The following ATG7 variants were observed in gnomAD, a reference collection of about 807,000 sequenced individuals.
The protein encoded by ATG7 is autophagy related 7.
ATG7 carries 70 observed loss-of-function variants against 82.4 expected under a neutral mutation model. The observed-to-expected ratio is 0.85, with a 90% CI of 0.70 to 1.04. The LOEUF is 1.04. Ranked by LOEUF, ATG7 falls within the 50% of genes least tolerant of loss-of-function variation. ATG7 has a pLI of 0.00. For missense variants in ATG7, 792 were observed against 864.3 expected (o/e 0.92, Z 1.05); for synonymous variants, 287 against 313.0 (o/e 0.92, Z 0.88).
intron 1 of ATG7, among the ~76,000 whole-genome samples, chr3:11,279,850 C>T (rs1392090792): frequency 6.6e-6 from 1 of 152,100 alleles, no homozygotes; most frequent in Non-Finnish European, 1.5e-5. Flanking sequence ...ATTTGTTTTA[C>T]CTCCAAATTG....
chr3:11,328,934 C>CA (rs1951256544), intron 9 of ATG7, among the ~76,000 whole-genome samples: 1 of 152,082 alleles, frequency 6.6e-6, no homozygotes, highest in African/African-American at 2.4e-5. Context: ...TGAAAAAATA[C>CA]AAAAAATTAG....
In ATG7 at chr3:11,556,132, C is replaced by CCAAACCTTTTT. The variant is rs2072379963; in HGVS notation, c.*1290_*1300dup. 1 of 152,634 alleles carries CCAAACCTTTTT rather than the reference C, an allele frequency of 6.6e-6. No individual in the cohort carries two copies. The highest frequency in any genetic ancestry group is 1.9e-4 in the East Asian group (1 of 5,330). 9.5% of individuals were successfully genotyped at this position (152,634 alleles called of 1,614,324 possible). A position where few individuals can be genotyped will look rare whatever the true frequency, so the allele number is the denominator to read the frequency against. ...TTTAAGTACAAAAAAAGATGGCCTG[C>CCAAACCTTTTT]CAAACCTTTTTTTTTCTTCTTCCAG... On this transcript the variant is annotated 3_prime_UTR_variant, in exon 21 of 21. Transcript: ENST00000693202.
intron 19 of ATG7, among the ~76,000 whole-genome samples, chr3:11,382,024 AGTT>A (rs142186782): frequency 2.0e-4 from 30 of 152,318 alleles, no homozygotes; most frequent in African/African-American, 5.8e-4. Flanking sequence ...GTCATGTCAT[AGTT>A]GTTGTTTCAA....
intron 1 of ATG7, among the ~76,000 whole-genome samples, chr3:11,273,710 G>C (rs2152608801): frequency 6.6e-6 from 1 of 152,242 alleles, no homozygotes; most frequent in South Asian, 2.1e-4. Context: ...GTGGGCACTG[G>C]TGATCTATCA....
intron 20 of ATG7, chr3:11,488,507 C>T (rs992241640): frequency 5.2e-5 from 64 of 1,232,134 alleles, no homozygotes; most frequent in South Asian, 1.5e-4. Context: ...GTCAGCGCCG[C>T]GACTGTCCCG....
intron 14 of ATG7, among the ~76,000 whole-genome samples, chr3:11,352,925 A>C (rs187686373): frequency 1.3e-5 from 2 of 152,294 alleles, no homozygotes; most frequent in East Asian, 3.9e-4. Flanking sequence ...CATTCCAGGG[A>C]AGAAAATTGG....
chr3:11,560,869 G>A (rs1035349177), downstream of ATG7, among the ~76,000 whole-genome samples: 1 of 152,220 alleles, frequency 6.6e-6, no homozygotes, highest in Non-Finnish European at 1.5e-5. Flanking sequence ...TTCTGCCTGT[G>A]GACAGGGCCT....
chr3:11,399,560 C>G (rs1032671155), intron 19 of ATG7, among the ~76,000 whole-genome samples: 1 of 151,012 alleles, frequency 6.6e-6, no homozygotes, highest in Non-Finnish European at 1.5e-5. Context: ...TTCCTTTCCT[C>G]CCTCCCTTCC....
downstream of ATG7, chr3:11,558,449 T>TC: frequency 1.4e-6 from 2 of 1,403,902 alleles, no homozygotes; most frequent in Non-Finnish European, 1.9e-6. Flanking sequence ...AACCATCCCT[T>TC]CCCTTCCCCC....
chr3:11,442,042 A>G (rs1162249505), intron 20 of ATG7, among the ~76,000 whole-genome samples: 1 of 152,162 alleles, frequency 6.6e-6, no homozygotes, highest in Non-Finnish European at 1.5e-5. Flanking sequence ...GCCTCAAGCC[A>G]TTCACCTGCT....
At chr3:11,310,056 C>T (rs1948407792) in intron 7 of ATG7, among the ~76,000 whole-genome samples, 1 of 151,776 alleles carries the variant, frequency 6.6e-6, no homozygotes. Flanking sequence ...GTTCCAGCTA[C>T]TGGGGAGCTG....
intron 19 of ATG7, among the ~76,000 whole-genome samples, chr3:11,405,628 T>A (rs892110424): frequency 6.6e-6 from 1 of 152,172 alleles, no homozygotes; most frequent in African/African-American, 2.4e-5. Flanking sequence ...TCTTTTTTTT[T>A]ATTATTTTTA....
intron 20 of ATG7, among the ~76,000 whole-genome samples, chr3:11,476,168 G>A (rs1193542512): frequency 6.6e-6 from 1 of 152,204 alleles, no homozygotes; most frequent in African/African-American, 2.4e-5. Flanking sequence ...CAAAACTGAT[G>A]TCACCTGTAA....
chr3:11,332,187 T>C (rs1951749850), intron 10 of ATG7, among the ~76,000 whole-genome samples: 1 of 102 alleles, frequency 9.8e-3, no homozygotes, highest in African/African-American at 0.036. Flanking sequence ...TATGATGAAA[T>C]GTCATATACA....
chr3:11,429,777 A>C (rs2082698209), intron 20 of ATG7, among the ~76,000 whole-genome samples: 1 of 151,980 alleles, frequency 6.6e-6, no homozygotes, highest in Non-Finnish European at 1.5e-5. Flanking sequence ...GCGAAACCTC[A>C]TCTCTACTAA....
chr3:11,376,471 G>A (rs767266614), intron 18 of ATG7, among the ~76,000 whole-genome samples: 2 of 152,150 alleles, frequency 1.3e-5, no homozygotes, highest in Non-Finnish European at 2.9e-5. Context: ...TGTGAATGAG[G>A]TGTGTTTGAG....
chr3:11,495,129 A>G (rs1377430908), intron 20 of ATG7, among the ~76,000 whole-genome samples: 1 of 152,060 alleles, frequency 6.6e-6, no homozygotes, highest in Non-Finnish European at 1.5e-5. Context: ...TCCAAACCTG[A>G]CAGTCTATGA....
At position 11,315,358 on chromosome 3, in the gene ATG7, G is replaced by A. The variant is rs766881743; in HGVS notation, c.543G>A (p.Glu181=). 3.2e-5 allele frequency: 51 copies of A among 1,599,108 alleles called. No individual in the cohort carries two copies. The highest frequency in any genetic ancestry group is 4.3e-5 in the Non-Finnish European group (50 of 1,174,674). The change falls in exon 9 of 21, where the codon GAG becomes GAA. Residue 181 remains glutamate, a synonymous_variant. Coordinates refer to ENST00000693202, the MANE Select transcript of ATG7 (RefSeq NM_001349232.2). ...RFSLKQIEAL[E]CAYDNLCQTE... ...TCTGTTTTCAGATTGAAGCACTAGAGTGTGCATATGATAATCTTTGTCAAA... is the reference window on the plus strand; with the variant it reads ...TCTGTTTTCAGATTGAAGCACTAGAATGTGCATATGATAATCTTTGTCAAA...
intron 13 of ATG7, among the ~76,000 whole-genome samples, chr3:11,342,933 ATT>A (rs34523650): frequency 9.0e-5 from 13 of 144,838 alleles, no homozygotes; most frequent in Admixed American, 2.7e-4. Flanking sequence ...TTTGTCATTA[ATT>A]TTTTTTTTTT....
Sources: allele counts gnomAD v4.1 joint callset (sites outside exome capture counted in the v4.1 genomes callset), GRCh38; gene constraint gnomAD v4.1.1; transcripts MANE v1.5; gene names NCBI Gene and HGNC (gene_info 2026-07-23, HGNC 2026-07-21).